Variants in COMMD7 observed in about 807,000 individuals in gnomAD.
The protein encoded by COMMD7 is COMM domain containing 7, also known as COMM domain-containing protein 7.
A neutral mutation model predicts 34.8 loss-of-function variants in COMMD7; 28 were observed. The ratio of observed to expected loss-of-function variants is 0.80; its 90% CI spans 0.60 to 1.10. COMMD7 has a LOEUF of 1.10. Ranked by LOEUF, COMMD7 falls within the 50% of genes least tolerant of loss-of-function variation. The pLI is 0.00. For missense variants in COMMD7, 211 were observed against 241.6 expected (o/e 0.87, Z 0.84); for synonymous variants, 80 against 86.4 (o/e 0.93, Z 0.41).
At chr20:32,729,252 T>C (rs1355240487) in intron 1 of COMMD7, among the ~76,000 whole-genome samples, 1 of 147,664 alleles carries the variant, frequency 6.8e-6, no homozygotes, top group African/African-American at 2.5e-5. Flanking sequence ...CACTGCAACC[T>C]CCACCTTCTG....
At chr20:32,732,945 GAAA>G (rs1568792942) in intron 1 of COMMD7, among the ~76,000 whole-genome samples, 1 of 151,580 alleles carries the variant, frequency 6.6e-6, no homozygotes, top group Non-Finnish European at 1.5e-5. Flanking sequence ...CAAAAAAAAA[GAAA>G]AAAGAAGGTC....
intron 1 of COMMD7, among the ~76,000 whole-genome samples, chr20:32,737,405 C>A (rs1329150194): frequency 7.0e-6 from 1 of 143,278 alleles, no homozygotes; most frequent in Non-Finnish European, 1.5e-5. Context: ...GTGGTACATG[C>A]CTATAGTCCC....
In COMMD7 at chr20:32,709,792, C is replaced by T. The variant is rs117593563; in HGVS notation, c.242-3032G>A. ...CCATTTGCCCTTGCAGTTCTCTGCA[C>T]ATAGCTCATCCCTTCGCTTCATTCA... On this transcript the variant is annotated intron_variant, in intron 3 of 8. Transcript: ENST00000278980. Among the ~76,000 whole-genome samples, 6 of 152,310 alleles carry T rather than the reference C, an allele frequency of 3.9e-5. No individual in the cohort carries two copies. In the East Asian group the frequency reaches 1.2e-3, roughly 29 times the overall value.
At chr20:32,737,572 T>C (rs6141796) in intron 1 of COMMD7, among the ~76,000 whole-genome samples, 103,689 of 151,326 alleles carry the variant, frequency 0.69, 36,281 homozygotes, top group Middle Eastern at 0.82. Flanking sequence ...CTCACACCTA[T>C]AATCCCAGCA....
chr20:32,704,510 AAGAG>A (rs750068657), intron 6 of COMMD7, 21 bp from the exon 7 acceptor site: 179 of 1,133,632 alleles, frequency 1.6e-4, no homozygotes, highest in South Asian at 1.3e-3. Flanking sequence ...AAAAAAAAAA[AAGAG>A]AGAGAGAGAG....
At position 32,728,285 on chromosome 20, in the gene COMMD7, A is replaced by ATGTTCACATT. The variant is rs1985636316; in HGVS notation, c.85-144_85-143insAATGTGAACA. 6 of 714,848 alleles carry ATGTTCACATT rather than the reference A, an allele frequency of 8.4e-6. No homozygotes were observed. In the East Asian group the frequency reaches 1.1e-4, roughly 13 times the overall value. 44.3% of individuals were successfully genotyped at this position (714,848 alleles called of 1,614,324 possible). A position where few individuals can be genotyped will look rare whatever the true frequency, so the allele number is the denominator to read the frequency against. On this transcript the variant is annotated intron_variant, in intron 1 of 8. Coordinates refer to ENST00000278980, the MANE Select transcript of COMMD7 (RefSeq NM_053041.3). ...TGTTCTGATCATCCTATAGTTACAA[A>ATGTTCACATT]TGTTCACAATACCCACCACCAGTGT...
intron 1 of COMMD7, among the ~76,000 whole-genome samples, chr20:32,729,243 A>T (rs1260026580): frequency 6.8e-6 from 1 of 147,420 alleles, no homozygotes; most frequent in Non-Finnish European, 1.5e-5. Flanking sequence ...ATGTTGGCTC[A>T]CTGCAACCTC....
intron 3 of COMMD7, among the ~76,000 whole-genome samples, chr20:32,727,076 A>G (rs955005403): frequency 1.3e-5 from 2 of 151,320 alleles, no homozygotes; most frequent in African/African-American, 4.9e-5. Context: ...CACACAAAAA[A>G]CATTAGCCAG....
intron 3 of COMMD7, among the ~76,000 whole-genome samples, chr20:32,724,995 A>G (rs1360023302): frequency 6.6e-6 from 1 of 150,574 alleles, no homozygotes; most frequent in East Asian, 2.0e-4. Context: ...TCTGCACTTT[A>G]GGCACCATGT....
intron 7 of COMMD7, 96 bp downstream of exon 7, chr20:32,704,343 TA>T: frequency 8.4e-7 from 1 of 1,194,220 alleles, no homozygotes; most frequent in Non-Finnish European, 1.2e-6. Flanking sequence ...GGTACTTCAG[TA>T]AAACATCCAT....
At chr20:32,733,253 G>A (rs1312556907) in intron 1 of COMMD7, among the ~76,000 whole-genome samples, 1 of 151,854 alleles carries the variant, frequency 6.6e-6, no homozygotes, top group African/African-American at 2.4e-5. Context: ...GTATTGAAGG[G>A]AGAAAATAGG....
At chr20:32,741,485 G>A (rs1986443090) in intron 1 of COMMD7, among the ~76,000 whole-genome samples, 1 of 151,190 alleles carries the variant, frequency 6.6e-6, no homozygotes, top group Admixed American at 6.6e-5. Context: ...CCACCTCTCA[G>A]GTTCAGGCGA....
chr20:32,743,289 G>A lies in COMMD7; in HGVS notation c.84+19C>T, dbSNP rs1568801375. The A allele has an allele frequency of 8.5e-7, 1 of 1,174,454 alleles. No individual in the cohort carries two copies. The highest frequency in any genetic ancestry group is 1.1e-6 in the Non-Finnish European group (1 of 912,684). 72.8% of individuals were successfully genotyped at this position (1,174,454 alleles called of 1,614,324 possible). Reference sequence around the variant, plus strand: ...GAATCACCTGGGCCCCGCGCCCCACGCCCCGCCGCCGGGCCCACCTGCGCG... The same window carrying A: ...GAATCACCTGGGCCCCGCGCCCCACACCCCGCCGCCGGGCCCACCTGCGCG... On this transcript the variant is annotated intron_variant, in intron 1 of 8. Coordinates refer to ENST00000278980, the MANE Select transcript of COMMD7 (RefSeq NM_053041.3).
chr20:32,721,682 C>T (rs1019903127), intron 3 of COMMD7, among the ~76,000 whole-genome samples: 1 of 152,166 alleles, frequency 6.6e-6, no homozygotes, highest in East Asian at 1.9e-4. Flanking sequence ...GAGTTCGAGA[C>T]CAGCCTGACC....
Position 32,703,316 on chromosome 20 carries a change from C to T in COMMD7, c.*66G>A. The T allele has an allele frequency of 6.8e-7, 1 of 1,461,498 alleles. No homozygotes were observed. Among genetic ancestry groups the T allele is most frequent in the Non-Finnish European group, 9.5e-7 (1 of 1,052,298 alleles). 90.5% of individuals were successfully genotyped at this position (1,461,498 alleles called of 1,614,324 possible). A position where few individuals can be genotyped will look rare whatever the true frequency, so the allele number is the denominator to read the frequency against. ...ACAGGCCTGTGAGTGAAGTGCCTCTCAGAGCAGTCACCCAGGGAAGGGAGG... is the reference window on the plus strand; with the variant it reads ...ACAGGCCTGTGAGTGAAGTGCCTCTTAGAGCAGTCACCCAGGGAAGGGAGG... On this transcript the variant is annotated 3_prime_UTR_variant, in exon 9 of 9. Transcript: ENST00000278980.
At chr20:32,712,350 G>C (rs2145724255) in intron 3 of COMMD7, among the ~76,000 whole-genome samples, 1 of 141,924 alleles carries the variant, frequency 7.0e-6, no homozygotes, top group African/African-American at 2.6e-5. Context: ...CTACTAAAAA[G>C]TATAAAAATT....
At chr20:32,737,190 A>G (rs1986175662) in intron 1 of COMMD7, among the ~76,000 whole-genome samples, 2 of 151,492 alleles carry the variant, frequency 1.3e-5, no homozygotes, top group African/African-American at 2.4e-5. Context: ...TCAAAAAAAA[A>G]GAAATATATA....
At chr20:32,708,381 A>G (rs1984223274) in intron 3 of COMMD7, among the ~76,000 whole-genome samples, 1 of 152,114 alleles carries the variant, frequency 6.6e-6, no homozygotes, top group African/African-American at 2.4e-5. Context: ...CTCCAGAAAA[A>G]CAATCCTAAA....
intron 1 of COMMD7, among the ~76,000 whole-genome samples, chr20:32,730,270 A>G (rs937770553): frequency 1.3e-5 from 2 of 151,640 alleles, no homozygotes; most frequent in African/African-American, 4.8e-5. Flanking sequence ...AACAGTGTGT[A>G]TGGGCTGGAC....
Sources: allele counts gnomAD v4.1 joint callset (sites outside exome capture counted in the v4.1 genomes callset), GRCh38; gene constraint gnomAD v4.1.1; transcripts MANE v1.5; gene names NCBI Gene and HGNC (gene_info 2026-07-23, HGNC 2026-07-21).